Variants in LRRFIP2 observed in about 807,000 individuals in gnomAD.
The protein encoded by LRRFIP2 is leucine-rich repeat flightless-interacting protein 2.
LRRFIP2 carries 109 observed loss-of-function variants against 125.9 expected under a neutral mutation model. The observed-to-expected ratio is 0.87, with a 90% CI of 0.74 to 1.01. The LOEUF is 1.01. Ranked by LOEUF, LRRFIP2 falls within the 50% of genes least tolerant of loss-of-function variation. The pLI is 0.00. For synonymous variants in LRRFIP2, 291 were observed against 293.1 expected (o/e 0.99, Z 0.07); for missense variants, 850 against 862.3 (o/e 0.99, Z 0.18).
chr3:37,159,204 G>C (rs1166709091), intron 1 of LRRFIP2, among the ~76,000 whole-genome samples: 2 of 152,056 alleles, frequency 1.3e-5, no homozygotes, highest in African/African-American at 2.4e-5. Context: ...TTTGCACATG[G>C]ATATCTATTT....
intron 1 of LRRFIP2, among the ~76,000 whole-genome samples, chr3:37,157,980 A>T (rs1414905297): frequency 1.3e-5 from 2 of 152,202 alleles, no homozygotes; most frequent in Non-Finnish European, 2.9e-5. Context: ...CACAACTGAT[A>T]ATCTTTCCAT....
chr3:37,099,676 A>G (rs1336150154), intron 15 of LRRFIP2, among the ~76,000 whole-genome samples: 2 of 152,210 alleles, frequency 1.3e-5, no homozygotes, highest in Non-Finnish European at 2.9e-5. Flanking sequence ...CAATCAGCAA[A>G]ATTTCAGTTT....
intron 17 of LRRFIP2, among the ~76,000 whole-genome samples, chr3:37,091,915 C>T (rs1402018970): frequency 6.6e-6 from 1 of 151,974 alleles, no homozygotes; most frequent in African/African-American, 2.4e-5. Context: ...CAATGCTTCA[C>T]CTAGAACTAG....
intron 24 of LRRFIP2, among the ~76,000 whole-genome samples, chr3:37,062,141 C>T (rs371033920): frequency 2.2e-4 from 34 of 152,316 alleles, no homozygotes; most frequent in African/African-American, 7.7e-4. Context: ...TCTACCCACT[C>T]CATGCCTGCC....
rs1380475108 is a variant in LRRFIP2, at chr3:37,053,191, G to GTAT, written c.*657_*659dup. 6.6e-6 allele frequency: 1 copy of GTAT among 152,584 alleles called. No individual in the cohort carries two copies. The highest frequency in any genetic ancestry group is 1.5e-5 in the Non-Finnish European group (1 of 68,084). 9.5% of individuals were successfully genotyped at this position (152,584 alleles called of 1,614,324 possible). On this transcript the variant is annotated 3_prime_UTR_variant, in exon 28 of 28. Transcript: ENST00000336686. Reference sequence around the variant, plus strand: ...AAAGGACCCAACTCTTACTTTAGGAGTATTAGGCCTGGACTTCCCCTGCCC... The same window carrying GTAT: ...AAAGGACCCAACTCTTACTTTAGGAGTATTATTAGGCCTGGACTTCCCCTGCCC...
At chr3:37,115,928 T>C (rs2094761842) in intron 6 of LRRFIP2, among the ~76,000 whole-genome samples, 1 of 152,230 alleles carries the variant, frequency 6.6e-6, no homozygotes, top group Non-Finnish European at 1.5e-5. Context: ...CAGAAAGTCA[T>C]ATACAAAACA....
At chr3:37,149,957 C>T (rs578226523) in intron 1 of LRRFIP2, among the ~76,000 whole-genome samples, 11 of 151,852 alleles carry the variant, frequency 7.2e-5, no homozygotes, top group South Asian at 2.1e-4. Flanking sequence ...GCCAAGATCA[C>T]GCCACTGGAC....
intron 15 of LRRFIP2, among the ~76,000 whole-genome samples, chr3:37,099,773 C>G (rs764499702): frequency 6.6e-6 from 1 of 152,134 alleles, no homozygotes; most frequent in Non-Finnish European, 1.5e-5. Context: ...AAATAAGAGG[C>G]TAGAACCCCC....
chr3:37,091,101 C>T (rs993288844), intron 18 of LRRFIP2, among the ~76,000 whole-genome samples: 3 of 152,028 alleles, frequency 2.0e-5, no homozygotes, highest in East Asian at 1.9e-4. Context: ...GGAGGCTGGG[C>T]GAGGTGGCTC....
chr3:37,105,966 G>A (rs1234679151), intron 13 of LRRFIP2, among the ~76,000 whole-genome samples: 6 of 152,144 alleles, frequency 3.9e-5, no homozygotes, highest in East Asian at 1.9e-4. Flanking sequence ...TCGGGAGGCC[G>A]AGGCAGGAGA....
intron 4 of LRRFIP2, among the ~76,000 whole-genome samples, chr3:37,124,504 T>C (rs1439720968): frequency 6.6e-6 from 1 of 152,208 alleles, no homozygotes; most frequent in Non-Finnish European, 1.5e-5. Context: ...CAGACCCTGG[T>C]AGCAACGATA....
rs777168857 is a variant in LRRFIP2, at chr3:37,127,630, C to T, written c.228G>A (p.Leu76=). ...TGCAGGACAGGCAATACTGGCCTAC[C>T]AGCCACTTCTGAATCTGTCCCCACT... is the stretch of plus-strand genomic sequence containing the variant. The part of the protein sequence containing the change: ...DRKWGQIQKW[L]EDSERARYSH... Residue 76 remains leucine (L), a splice_region_variant and synonymous_variant, in exon 4 of 28, where the codon CTG becomes CTA. Transcript: ENST00000336686. 3.1e-6 allele frequency: 5 copies of T among 1,613,566 alleles called. No homozygotes were observed. The African/African-American group carries it at 4.0e-5, about 13-fold the overall frequency.
At position 37,056,414 on chromosome 3, in the gene LRRFIP2, C is replaced by G. The variant is rs6763751; in HGVS notation, c.1871-1249G>C. Among the ~76,000 whole-genome samples, 465 of 151,834 alleles carry G rather than the reference C, an allele frequency of 3.1e-3. 3 individuals are homozygous for G. Among genetic ancestry groups the G allele is most frequent in the African/African-American group, 0.011 (442 of 41,436 alleles). On this transcript the variant is annotated intron_variant, in intron 25 of 27. Transcript: ENST00000336686. ...GAACTTTTCTACATTTCCACATGAC[C>G]AAGGTTACAATTACTTATACAGTCT...
intron 25 of LRRFIP2, 124 bp downstream of exon 25, chr3:37,058,660 GTGAGAC>G: frequency 1.1e-6 from 1 of 927,424 alleles, no homozygotes; most frequent in East Asian, 2.5e-5. Context: ...GGGTGACAGA[GTGAGAC>G]TCCCATCTCA....
At chr3:37,067,214 A>T (rs1211244317) in intron 21 of LRRFIP2, 1 of 152,234 alleles carries the variant, frequency 6.6e-6, no homozygotes, top group Non-Finnish European at 1.5e-5. Flanking sequence ...CAGGTTGGTG[A>T]TTTCATTTGT....
At chr3:37,055,193 C>T (rs749369885) in intron 25 of LRRFIP2, 28 bp from the exon 26 acceptor site, 8 of 1,385,616 alleles carry the variant, frequency 5.8e-6, no homozygotes, top group Admixed American at 2.2e-5. Flanking sequence ...AATGAATTAT[C>T]TTCACCTGTC....
intron 6 of LRRFIP2, among the ~76,000 whole-genome samples, chr3:37,115,764 C>T (rs1030008187): frequency 2.0e-5 from 3 of 152,176 alleles, no homozygotes; most frequent in Non-Finnish European, 2.9e-5. Context: ...AAGACCAGAA[C>T]ACCCACATTT....
At position 37,109,712 on chromosome 3, in the gene LRRFIP2, CAAA is replaced by C. The variant is rs771876044; in HGVS notation, c.514-12_514-10del. On this transcript the variant is annotated splice_polypyrimidine_tract_variant and intron_variant, in intron 9 of 27. Coordinates refer to ENST00000336686, the MANE Select transcript of LRRFIP2 (RefSeq NM_006309.4). ...TACAGGGAAGAAGACTGCTAAGAGA[CAAA>C]AACAAAATAAATAAGCAAAAACAAA... is the stretch of plus-strand genomic sequence containing the variant. 2.0e-4 allele frequency: 317 copies of C among 1,612,954 alleles called. No individual in the cohort carries two copies. Among genetic ancestry groups the C allele is most frequent in the Non-Finnish European group, 2.5e-4 (293 of 1,179,476 alleles).
intron 13 of LRRFIP2, among the ~76,000 whole-genome samples, chr3:37,106,429 T>C (rs2094326909): frequency 6.6e-6 from 1 of 152,214 alleles, no homozygotes; most frequent in Non-Finnish European, 1.5e-5. Flanking sequence ...GAAACCATTC[T>C]GGCATCACTA....
Sources: allele counts gnomAD v4.1 joint callset (sites outside exome capture counted in the v4.1 genomes callset), GRCh38; gene constraint gnomAD v4.1.1; transcripts MANE v1.5; gene names NCBI Gene and HGNC (gene_info 2026-07-23, HGNC 2026-07-21).